The following TRIM55 variants were observed in gnomAD, a reference collection of about 807,000 sequenced individuals.
The protein encoded by TRIM55 is tripartite motif containing 55.
A neutral mutation model predicts 60.9 loss-of-function variants in TRIM55; 50 were observed. The ratio of observed to expected loss-of-function variants is 0.82; its 90% CI spans 0.65 to 1.04. The LOEUF (loss-of-function observed/expected upper bound fraction) is 1.04. Among genes scored for constraint, TRIM55 ranks in the 50% least tolerant of loss-of-function variants. The probability of loss-of-function intolerance (pLI) is 0.00; values close to 1 mark genes in which losing one functional copy is unlikely to be tolerated. For missense variants in TRIM55, 681 were observed against 666.9 expected, an observed-to-expected ratio of 1.02 and a Z score of -0.23; for synonymous variants, 237 against 238.1, an observed-to-expected ratio of 1.00 and a Z score of 0.04.
intron 9 of TRIM55, among the ~76,000 whole-genome samples, chr8:66,163,444 A>G (rs1811155659): frequency 6.6e-6 from 1 of 152,172 alleles, no homozygotes; most frequent in African/African-American, 2.4e-5. Flanking sequence ...CTTTTGCTGC[A>G]TCCCACAAGT....
intron 9 of TRIM55, among the ~76,000 whole-genome samples, chr8:66,168,555 G>C (rs1423337962): frequency 6.6e-6 from 1 of 152,258 alleles, no homozygotes; most frequent in African/African-American, 2.4e-5. Context: ...TGCCCACTCA[G>C]CAGCCTTAAG....
Position 66,127,340 on chromosome 8 carries a change from C to T in TRIM55, c.72C>T (p.Leu24=). 6.2e-7 allele frequency: 1 copy of T among 1,614,182 alleles called. No homozygotes were observed. The highest frequency in any genetic ancestry group is 1.1e-5 in the South Asian group (1 of 91,078). ...QQTMDNLEKQ[L]ICPICLEMFT... is the part of the protein sequence containing the mutation. ...CCATGGATAACTTAGAGAAGCAACT[C>T]ATCTGTCCCATCTGCTTAGAGATGT... is the stretch of plus-strand genomic sequence containing the variant. Residue 24 remains leucine, a synonymous_variant, in exon 1 of 10, where the codon CTC becomes CTT. Transcript: ENST00000315962.
At chr8:66,137,758 GAAA>G (rs34634925) in intron 4 of TRIM55, among the ~76,000 whole-genome samples, 2,142 of 116,290 alleles carry the variant, frequency 0.018, 18 homozygotes, top group South Asian at 0.032. Flanking sequence ...AATCAACACT[GAAA>G]AAAAAAAAAA....
Position 66,154,315 on chromosome 8 carries a change from C to T in TRIM55, c.1505C>T (p.Ala502Val). Reference protein sequence around the residue: ...RAAVSGKETSAPAATSQIGFE... With the variant: ...RAAVSGKETSVPAATSQIGFE... ...GCTGTGAGTGGTAAGGAAACTAGTG[C>T]ACCTGCAGCTACTTCTCAGGTTAGT... Residue 502 changes from alanine to valine, a missense_variant, in exon 9 of 10, where the codon GCA (alanine) becomes GTA (valine). By Grantham distance (64) the Ala-to-Val change is moderately conservative (BLOSUM62 0). Coordinates refer to ENST00000315962, the MANE Select transcript of TRIM55 (RefSeq NM_184085.2). 2.5e-6 allele frequency: 4 copies of T among 1,614,046 alleles called. No homozygotes were observed. The highest frequency in any genetic ancestry group is 3.4e-6 in the Non-Finnish European group (4 of 1,179,956).
chr8:66,119,709 T>G, the TRIM55 span, among the ~76,000 whole-genome samples: 1 of 152,362 alleles, frequency 6.6e-6, no homozygotes, highest in East Asian at 1.9e-4. Flanking sequence ...GACCCAGTTC[T>G]TGTTGGAGAG....
Position 66,152,199 on chromosome 8 carries a change from T to A in TRIM55, c.986-178T>A, listed in dbSNP as rs1421587122. The stretch of plus-strand genomic sequence containing the variant: ...GGATGGTTCCTTCACATTTGTCCAG[T>A]CCACATTCCACTAGAAGCACAAAGC... On this transcript the variant is annotated intron_variant, in intron 7 of 9. Coordinates refer to ENST00000315962, the MANE Select transcript of TRIM55 (RefSeq NM_184085.2). 3.9e-6 allele frequency: 3 copies of A among 774,214 alleles called. No individual in the cohort carries two copies. In the Admixed American group the frequency reaches 8.8e-5, roughly 23 times the overall value. 48.0% of individuals were successfully genotyped at this position (774,214 alleles called of 1,614,324 possible).
At chr8:66,114,534 A>G in the TRIM55 span, 1 of 456,310 alleles carries the variant, frequency 2.2e-6, no homozygotes, top group South Asian at 1.5e-5. Flanking sequence ...ATCCTTTATG[A>G]TTTGTGATAA....
chr8:66,174,518 G>T lies in TRIM55; in HGVS notation c.1572G>T (p.Ala524=). Residue 524 remains alanine, a synonymous_variant, in exon 10 of 10, where the codon GCG becomes GCT. Transcript: ENST00000315962. ...PPLQGQAAAP[A]SGSGADSEPA... Reference sequence around the variant, plus strand: ...TCCAGGGACAGGCTGCAGCTCCAGCGAGTGGCAGTGGAGCTGATTCTGAGC... The same window carrying T: ...TCCAGGGACAGGCTGCAGCTCCAGCTAGTGGCAGTGGAGCTGATTCTGAGC... The T allele has an allele frequency of 6.2e-7, 1 of 1,612,208 alleles. No homozygotes were observed. Among genetic ancestry groups the T allele is most frequent in the East Asian group, 2.2e-5 (1 of 44,680 alleles).
the TRIM55 span, among the ~76,000 whole-genome samples, chr8:66,116,537 G>A: frequency 6.6e-6 from 1 of 151,392 alleles, no homozygotes; most frequent in African/African-American, 2.4e-5. Context: ...AACCTGAGAG[G>A]TCGAGGCTGC....
intron 7 of TRIM55, 92 bp downstream of exon 7, chr8:66,150,558 C>A: frequency 6.9e-7 from 1 of 1,440,868 alleles, no homozygotes; most frequent in Non-Finnish European, 9.6e-7. Context: ...TTCAGAATCA[C>A]CTCCAGAATC....
rs2128981835 is a variant in TRIM55, at chr8:66,154,156, A to G, written c.1346A>G (p.Gln449Arg). 1 of 1,614,118 alleles carries G rather than the reference A, an allele frequency of 6.2e-7. No homozygotes were observed. The highest frequency in any genetic ancestry group is 1.1e-5 in the South Asian group (1 of 91,078). ...PLFYPSWYKGQTRKATTNPPC... is the reference protein window; with the variant it reads ...PLFYPSWYKGRTRKATTNPPC... Reference sequence around the variant, plus strand: ...TTTTACCCTAGTTGGTATAAAGGCCAAACCCGGAAAGCCACCACCAACCCA... The same window carrying G: ...TTTTACCCTAGTTGGTATAAAGGCCGAACCCGGAAAGCCACCACCAACCCA... The change falls in exon 9 of 10, where the codon CAA (glutamine) becomes CGA (arginine). Residue 449 changes from glutamine (Q) to arginine (R), a missense_variant. Transcript: ENST00000315962.
chr8:66,148,747 A>G (rs1172643541), intron 4 of TRIM55, among the ~76,000 whole-genome samples: 2 of 152,174 alleles, frequency 1.3e-5, no homozygotes, highest in Admixed American at 6.5e-5. Flanking sequence ...GGGAGTCATC[A>G]TAGAAAAAAA....
intron 9 of TRIM55, among the ~76,000 whole-genome samples, chr8:66,171,922 C>T (rs1266422509): frequency 6.6e-6 from 1 of 151,914 alleles, no homozygotes; most frequent in Non-Finnish European, 1.5e-5. Context: ...GAAAAGATGC[C>T]CAATTCTGGA....
At chr8:66,173,760 A>C (rs966761451) in intron 9 of TRIM55, among the ~76,000 whole-genome samples, 1 of 152,254 alleles carries the variant, frequency 6.6e-6, no homozygotes, top group Admixed American at 6.5e-5. Flanking sequence ...AAACAACATA[A>C]GTAAATTTTG....
upstream of TRIM55, among the ~76,000 whole-genome samples, chr8:66,125,572 T>C (rs1270170523): frequency 6.6e-6 from 1 of 152,152 alleles, no homozygotes; most frequent in African/African-American, 2.4e-5. Flanking sequence ...AGACCTCCCC[T>C]CCATAGCCCA....
chr8:66,155,619 A>C, intron 9 of TRIM55: 1 of 1,588,154 alleles, frequency 6.3e-7, no homozygotes, highest in South Asian at 1.1e-5. Flanking sequence ...TTGTTTTCTC[A>C]CAGGAGTTAG....
intron 8 of TRIM55, 78 bp from the exon 9 acceptor site, chr8:66,153,969 G>C: frequency 7.0e-7 from 1 of 1,423,292 alleles, no homozygotes; most frequent in Non-Finnish European, 9.4e-7. Flanking sequence ...AACCCAAAGG[G>C]AACTAAAATC....
intron 9 of TRIM55, among the ~76,000 whole-genome samples, chr8:66,165,398 T>C (rs566209647): frequency 6.6e-6 from 1 of 152,164 alleles, no homozygotes; most frequent in African/African-American, 2.4e-5. Flanking sequence ...CTGAGGAAGA[T>C]TAATTTCACA....
intron 9 of TRIM55, among the ~76,000 whole-genome samples, chr8:66,165,959 T>A (rs1319273766): frequency 6.6e-6 from 1 of 152,082 alleles, no homozygotes; most frequent in African/African-American, 2.4e-5. Context: ...GGGCTTTTTT[T>A]TTTTCCTACT....
Sources: allele counts gnomAD v4.1 joint callset (sites outside exome capture counted in the v4.1 genomes callset), GRCh38; gene constraint gnomAD v4.1.1; transcripts MANE v1.5; gene names NCBI Gene and HGNC (gene_info 2026-07-23, HGNC 2026-07-21).